Variants in SLC2A9 observed in about 807,000 individuals in gnomAD.
SLC2A9 encodes solute carrier family 2, facilitated glucose transporter member 9.
In SLC2A9, 39 loss-of-function variants were observed where a neutral mutation model predicts 50.6. The observed-to-expected ratio is 0.77, with a 90% CI of 0.60 to 1.01. The LOEUF is 1.01. Among genes scored for constraint, SLC2A9 ranks in the 50% least tolerant of loss-of-function variants. The pLI, the probability that SLC2A9 is intolerant of heterozygous loss-of-function variation, is 0.00. For missense variants in SLC2A9, 686 were observed against 677.6 expected (o/e 1.01, Z -0.14); for synonymous variants, 324 against 276.9 (o/e 1.17, Z -1.69).
chr4:9,821,406 G>A (rs148016751), downstream of SLC2A9, among the ~76,000 whole-genome samples: 122 of 152,088 alleles, frequency 8.0e-4, 1 homozygote, highest in Admixed American at 4.6e-3. Flanking sequence ...AACAGAAAAC[G>A]AAACACTGTA....
chr4:9,774,330 G>A (rs1717239140), intron 1 of SLC2A9, among the ~76,000 whole-genome samples: 1 of 152,170 alleles, frequency 6.6e-6, no homozygotes, highest in Non-Finnish European at 1.5e-5. Flanking sequence ...GGAAAGCAGG[G>A]AGAATGTTTA....
At chr4:9,947,486 A>G (rs1268758857) in intron 5 of SLC2A9, among the ~76,000 whole-genome samples, 1 of 152,116 alleles carries the variant, frequency 6.6e-6, no homozygotes, top group Non-Finnish European at 1.5e-5. Flanking sequence ...ATTAATATTA[A>G]TCATGTTTTA....
intron 3 of SLC2A9, among the ~76,000 whole-genome samples, chr4:9,819,893 C>T (rs1273855408): frequency 2.6e-5 from 4 of 152,254 alleles, no homozygotes; most frequent in Non-Finnish European, 5.9e-5. Context: ...GAGATCACAC[C>T]ACTGCACTCC....
At chr4:9,934,286 A>G (rs6855911) in intron 6 of SLC2A9, among the ~76,000 whole-genome samples, 49,891 of 152,168 alleles carry the variant, frequency 0.33, 9,521 homozygotes, top group African/African-American at 0.51. Flanking sequence ...GGTAAGCACA[A>G]AAATGATGCC....
chr4:9,834,239 T>C (rs1183055983), intron 11 of SLC2A9, among the ~76,000 whole-genome samples: 1 of 152,216 alleles, frequency 6.6e-6, no homozygotes, highest in Non-Finnish European at 1.5e-5. Context: ...TATGCCTCTT[T>C]TGTTTCCCCG....
chr4:9,938,636 G>A (rs1049986213), intron 6 of SLC2A9, among the ~76,000 whole-genome samples: 6 of 152,120 alleles, frequency 3.9e-5, no homozygotes, highest in Non-Finnish European at 5.9e-5. Flanking sequence ...TCACACACAC[G>A]CTCAAGGCAG....
chr4:9,840,006 ATTATC>A (rs930098964), intron 10 of SLC2A9, among the ~76,000 whole-genome samples: 13 of 152,246 alleles, frequency 8.5e-5, no homozygotes, highest in African/African-American at 2.4e-4. Context: ...CTTTACATAT[ATTATC>A]TTATTTAATT....
chr4:9,838,467 C>T (rs1727452599), intron 10 of SLC2A9, among the ~76,000 whole-genome samples: 1 of 152,168 alleles, frequency 6.6e-6, no homozygotes, highest in South Asian at 2.1e-4. Context: ...TCCCATTAAA[C>T]TACCATTGAC....
rs1158832401 is a variant in SLC2A9, at chr4:9,897,766, T to C, written c.1114-7055A>G. 2.6e-5 allele frequency among the ~76,000 whole-genome samples: 4 copies of C among 152,202 alleles called. No individual in the cohort carries two copies. The East Asian group carries it at 7.7e-4, about 29-fold the overall frequency. The stretch of plus-strand genomic sequence containing the variant: ...GTAGCCAGGTGTGGTGGTGCATGCC[T>C]GTAATCGCAGCTACACGGGAGGCTG... On this transcript the variant is annotated intron_variant, in intron 8 of 11. Coordinates refer to ENST00000264784, the MANE Select transcript of SLC2A9 (RefSeq NM_020041.3).
rs118072948 is a variant in SLC2A9 at position 9,807,525 on chromosome 4, G to A, written n.421-8284C>T. On this transcript the variant is annotated intron_variant and non_coding_transcript_variant, in intron 3 of 3. Coordinates refer to the SLC2A9 transcript ENST00000503280. The stretch of plus-strand genomic sequence containing the variant: ...TCAGTTCTCTCCTCTGCTGAACTGA[G>A]CTGTTCCATAGCTGGGCCAGGCCTC... 1.2e-3 allele frequency among the ~76,000 whole-genome samples: 189 copies of A among 152,252 alleles called. 1 individual carries two copies. In the East Asian group the frequency reaches 0.03, roughly 24 times the overall value.
rs1324085164 is a variant in SLC2A9 at position 9,920,435 on chromosome 4, C to T, written c.952G>A (p.Val318Ile). 2 of 1,614,072 alleles carry T rather than the reference C, an allele frequency of 1.2e-6. No homozygotes were observed. The highest frequency in any genetic ancestry group is 8.5e-7 in the Non-Finnish European group (1 of 1,180,048). The part of the protein sequence containing the change: ...LRAPYVRWQV[V>I]TVIVTMACYQ... ...CAGGCCATGGTGACAATCACGGTGA[C>T]CACCTGCCAGCGGACGTAGGGAGCT... The change falls in exon 7 of 12, where the codon GTC becomes ATC. Residue 318 changes from valine (V) to isoleucine (I), a missense_variant. Physicochemically the swap from Val to Ile is conservative, Grantham distance 29. Coordinates refer to ENST00000264784, the MANE Select transcript of SLC2A9 (RefSeq NM_020041.3).
intron 1 of SLC2A9, among the ~76,000 whole-genome samples, chr4:10,032,065 T>C (rs1437991960): frequency 2.6e-5 from 4 of 152,184 alleles, no homozygotes; most frequent in African/African-American, 9.7e-5. Context: ...GCCCACCCTA[T>C]TCTAGGCATT....
intron 1 of SLC2A9, among the ~76,000 whole-genome samples, chr4:9,773,368 G>A (rs2108818103): frequency 6.6e-6 from 1 of 152,330 alleles, no homozygotes; most frequent in East Asian, 1.9e-4. Flanking sequence ...AGCTTTCATT[G>A]CTGTAATACA....
At chr4:10,033,911 C>T (rs1261149875) in intron 1 of SLC2A9, among the ~76,000 whole-genome samples, 1 of 152,228 alleles carries the variant, frequency 6.6e-6, no homozygotes, top group African/African-American at 2.4e-5. Context: ...CATCCCAAGC[C>T]CTTCTGCCCT....
At chr4:10,010,462 C>T (rs184691520) in intron 2 of SLC2A9, among the ~76,000 whole-genome samples, 263 of 152,288 alleles carry the variant, frequency 1.7e-3, no homozygotes, top group African/African-American at 6.0e-3. Context: ...CATATGTTCA[C>T]GGAACCCCTG....
In SLC2A9 at chr4:9,980,740, G is replaced by A. The variant is rs756934963; in HGVS notation, c.536-3C>T. The A allele has an allele frequency of 2.5e-6, 4 of 1,614,186 alleles. No homozygotes were observed. Among genetic ancestry groups the A allele is most frequent in the Admixed American group, 1.7e-5 (1 of 60,036 alleles). On this transcript the variant is annotated splice_polypyrimidine_tract_variant and splice_region_variant and intron_variant, in intron 4 of 11. Transcript: ENST00000264784. The stretch of plus-strand genomic sequence containing the variant: ...GGGGAGCACACTGAGGGCGACGCCT[G>A]TAGAGAGAAAGCATAGCAGCAGTTA...
chr4:9,850,978 C>T (rs1729802976), intron 10 of SLC2A9, among the ~76,000 whole-genome samples: 1 of 152,070 alleles, frequency 6.6e-6, no homozygotes, highest in African/African-American at 2.4e-5. Context: ...ACCCCACCCC[C>T]ACCAGTGTCC....
chr4:9,915,605 A>C (rs1486856649), intron 7 of SLC2A9, among the ~76,000 whole-genome samples: 1 of 152,198 alleles, frequency 6.6e-6, no homozygotes, highest in African/African-American at 2.4e-5. Context: ...TGAGGCACGG[A>C]GGAGTCATGA....
chr4:9,932,187 A>C, intron 6 of SLC2A9, among the ~76,000 whole-genome samples: 1 of 151,470 alleles, frequency 6.6e-6, no homozygotes, highest in Admixed American at 6.6e-5. Flanking sequence ...TCATGTTCCC[A>C]CAGCAAGTAA....
Sources: gnomAD v4.1 joint callset for allele counts (sites outside exome capture counted in the v4.1 genomes callset) on GRCh38, gnomAD v4.1.1 for gene constraint, MANE v1.5 for transcripts, NCBI Gene and HGNC (gene_info 2026-07-23, HGNC 2026-07-21) for gene names.